CNKSR2: variants seen among roughly 807,000 people sequenced by gnomAD.
CNKSR2 encodes the protein CNK homolog protein 2.
In CNKSR2, 14 loss-of-function variants were observed where a neutral mutation model predicts 84.4. The ratio of observed to expected loss-of-function variants is 0.17; its 90% CI spans 0.11 to 0.26. The LOEUF is 0.26. Ranked by LOEUF, CNKSR2 falls within the 10% of genes least tolerant of loss-of-function variation. CNKSR2 has a pLI of 1.00. For missense variants in CNKSR2, 485 were observed against 771.2 expected (o/e 0.63, Z 4.40); for synonymous variants, 275 against 277.9 (o/e 0.99, Z 0.10).
intron 2 of CNKSR2, among the ~76,000 whole-genome samples, chrX:21,432,042 A>C (rs2090640189): frequency 1.8e-5 from 2 of 112,075 alleles, no homozygotes; most frequent in African/African-American, 6.5e-5. Context: ...CTGAGGAAGC[A>C]GAGTTTTTCC....
At chrX:21,450,108 A>G (rs1275204432) in intron 4 of CNKSR2, among the ~76,000 whole-genome samples, 1 of 111,109 alleles carries the variant, frequency 9.0e-6, no homozygotes, top group Non-Finnish European at 1.9e-5. Context: ...AAAGAGGATC[A>G]GTCGGTATTT....
At chrX:21,625,088 T>C (rs2092617469) in intron 20 of CNKSR2, among the ~76,000 whole-genome samples, 1 of 112,346 alleles carries the variant, frequency 8.9e-6, no homozygotes, top group Non-Finnish European at 1.9e-5. Context: ...GAATGCTTTT[T>C]TAGAATTTAA....
At chrX:21,410,937 ATTTGT>A (rs1343274038) in intron 1 of CNKSR2, among the ~76,000 whole-genome samples, 1 of 109,359 alleles carries the variant, frequency 9.1e-6, no homozygotes, top group Non-Finnish European at 1.9e-5. Context: ...GATGAATAAG[ATTTGT>A]TTTGTATTAG....
At chrX:21,505,467 A>C (rs887938222) in intron 8 of CNKSR2, 1 of 111,546 alleles carries the variant, frequency 9.0e-6, no homozygotes. Flanking sequence ...ATGGAAGATA[A>C]GTACTATAAG....
intron 9 of CNKSR2, among the ~76,000 whole-genome samples, chrX:21,519,560 A>G (rs998617412): frequency 9.0e-6 from 1 of 110,873 alleles, no homozygotes; most frequent in Non-Finnish European, 1.9e-5. Context: ...AATACACTGG[A>G]GCCAAAATGC....
rs1386240128 is a variant in CNKSR2 at position 21,458,673 on chromosome X, G to A, written c.520-12093G>A. Among the ~76,000 whole-genome samples the A allele has an allele frequency of 6.3e-5, 7 of 111,383 alleles. No homozygotes were observed. The East Asian group carries it at 2.0e-3, about 31-fold the overall frequency. ...ATTTGTCACATAGTGTATGTGTCAT[G>A]GGGGTTTGTTGTATAGATTATTTCG... On this transcript the variant is annotated intron_variant, in intron 4 of 21. Coordinates refer to ENST00000379510, the MANE Select transcript of CNKSR2 (RefSeq NM_014927.5).
intron 13 of CNKSR2, among the ~76,000 whole-genome samples, chrX:21,573,381 G>A (rs2092297293): frequency 8.9e-6 from 1 of 112,302 alleles, no homozygotes; most frequent in African/African-American, 3.2e-5. Flanking sequence ...ACTAGGCAGT[G>A]CCCCAGTGGA....
intron 1 of CNKSR2, among the ~76,000 whole-genome samples, chrX:21,405,368 C>G (rs1190316096): frequency 8.9e-6 from 1 of 111,865 alleles, no homozygotes; most frequent in African/African-American, 3.2e-5. Context: ...TAAATGTCAT[C>G]TACATTTCTC....
chrX:21,459,665 T>C (rs2091037880), intron 4 of CNKSR2, among the ~76,000 whole-genome samples: 2 of 111,296 alleles, frequency 1.8e-5, no homozygotes, highest in Non-Finnish European at 3.8e-5. Context: ...TATGTTTATC[T>C]GGATTTTTGT....
intron 8 of CNKSR2, among the ~76,000 whole-genome samples, chrX:21,510,194 A>T (rs1024133701): frequency 1.1e-4 from 12 of 111,551 alleles, no homozygotes; most frequent in African/African-American, 3.6e-4. Context: ...TGTGAGTAAG[A>T]GTGTGTGTAT....
chrX:21,648,816 T>TGG lies in CNKSR2; in HGVS notation c.2693-15_2693-14insGG. The TGG allele has an allele frequency of 1.1e-6, 1 of 916,056 alleles. No homozygotes were observed. The highest frequency in any genetic ancestry group is 1.4e-6 in the Non-Finnish European group (1 of 698,308). The allele number at this position is 916,056 out of a possible 1,213,427, so 75.5% of individuals were successfully genotyped here. On this transcript the variant is annotated splice_polypyrimidine_tract_variant and intron_variant, in intron 20 of 21. Transcript: ENST00000379510. ...TTTCTTTTTTTTTTTTTTTTTTTTTTTTTGGATGTTGCAGGTGAAAGCAGA... is the reference window on the plus strand; with the variant it reads ...TTTCTTTTTTTTTTTTTTTTTTTTTTGGTTTGGATGTTGCAGGTGAAAGCAGA...
At chrX:21,383,881 T>C (rs1056890242) in intron 1 of CNKSR2, among the ~76,000 whole-genome samples, 10 of 112,011 alleles carry the variant, frequency 8.9e-5, no homozygotes. Context: ...TTAGTTATAC[T>C]TAGCAATGTA....
Position 21,432,706 on chromosome X carries a change from G to A in CNKSR2, c.323G>A (p.Arg108Lys). 1 of 1,207,189 alleles carries A rather than the reference G, an allele frequency of 8.3e-7. No individual in the cohort carries two copies. Among genetic ancestry groups the A allele is most frequent in the Non-Finnish European group, 1.1e-6 (1 of 892,251 alleles). The part of the protein sequence containing the change: ...NLQNFITGRR[R>K]SGHYDGRTSR... The stretch of plus-strand genomic sequence containing the variant: ...CAGAATTTTATAACAGGAAGGAGAA[G>A]GAGTGGCCATTATGATGGGAGGACC... The change falls in exon 3 of 22, where the codon AGG becomes AAG. Residue 108 changes from arginine to lysine, a missense_variant. This residue lies in a region of CNKSR2 where 109 missense variants were observed against 197.5 expected (regional missense o/e 0.55). Transcript: ENST00000379510.
intron 1 of CNKSR2, among the ~76,000 whole-genome samples, chrX:21,398,096 C>T (rs1601734917): frequency 9.0e-6 from 1 of 111,436 alleles, no homozygotes; most frequent in African/African-American, 3.3e-5. Context: ...ATTGGAATCT[C>T]AGGTTTTACA....
intron 1 of CNKSR2, among the ~76,000 whole-genome samples, chrX:21,385,863 G>A (rs185176299): frequency 7.3e-4 from 80 of 109,930 alleles, no homozygotes; most frequent in Non-Finnish European, 1.4e-3. Flanking sequence ...GTGCGTGTGC[G>A]CGTGTGTATG....
intron 1 of CNKSR2, among the ~76,000 whole-genome samples, chrX:21,410,208 T>TC (rs2090325574): frequency 9.0e-6 from 1 of 111,184 alleles, no homozygotes; most frequent in East Asian, 2.8e-4. Flanking sequence ...CAGGCCACAC[T>TC]CCAACTAAAT....
At chrX:21,393,975 T>C (rs1281437839) in intron 1 of CNKSR2, among the ~76,000 whole-genome samples, 2 of 112,338 alleles carry the variant, frequency 1.8e-5, no homozygotes, top group Non-Finnish European at 3.8e-5. Context: ...AAGCACTGTA[T>C]ATAGAAGACA....
rs192302422 is a variant in CNKSR2, at chrX:21,572,571, C to T, written c.1608+9119C>T. Among the ~76,000 whole-genome samples, 7 of 111,370 alleles carry T rather than the reference C, an allele frequency of 6.3e-5. No homozygotes were observed. In the East Asian group the frequency reaches 8.4e-4, roughly 13 times the overall value. On this transcript the variant is annotated intron_variant, in intron 13 of 21. Coordinates refer to ENST00000379510, the MANE Select transcript of CNKSR2 (RefSeq NM_014927.5). The stretch of plus-strand genomic sequence containing the variant: ...GGAGGCCTCAGGAAACTTACAATCA[C>T]GGCAGAAGAGGAAGCAAACACATCC...
chrX:21,484,168 G>A (rs1369727121), intron 5 of CNKSR2, among the ~76,000 whole-genome samples: 1 of 110,932 alleles, frequency 9.0e-6, no homozygotes, highest in Non-Finnish European at 1.9e-5. Flanking sequence ...GTGCGCACCT[G>A]TAGTCCCAGC....
Sources: gnomAD v4.1 joint callset for allele counts (sites outside exome capture counted in the v4.1 genomes callset) on GRCh38, gnomAD v4.1.1 for gene constraint, gnomAD v4.1.1 regional missense constraint, MANE v1.5 for transcripts, NCBI Gene and HGNC (gene_info 2026-07-23, HGNC 2026-07-21) for gene names.